The following BCKDHB variants were observed in gnomAD, a reference collection of about 807,000 sequenced individuals.
The protein encoded by BCKDHB is 2-oxoisovalerate dehydrogenase subunit beta, mitochondrial.
BCKDHB carries 41 observed loss-of-function variants against 48.5 expected under a neutral mutation model. That is an observed-to-expected ratio of 0.85 (90% confidence interval 0.66 to 1.10). BCKDHB has a LOEUF of 1.10. BCKDHB is among the 50% of genes least tolerant of loss of function. BCKDHB has a pLI of 0.00. For synonymous variants in BCKDHB, 201 were observed against 174.8 expected, an observed-to-expected ratio of 1.15 and a Z score of -1.18; for missense variants, 496 against 494.2, an observed-to-expected ratio of 1.00 and a Z score of -0.03.
chr6:80,310,381 C>T (rs1768094331), intron 9 of BCKDHB, among the ~76,000 whole-genome samples: 1 of 152,132 alleles, frequency 6.6e-6, no homozygotes, highest in Non-Finnish European at 1.5e-5. Context: ...CATTAGTTTG[C>T]TAAGGATAAT....
chr6:80,388,664 T>G, the BCKDHB span, among the ~76,000 whole-genome samples: 1 of 152,200 alleles, frequency 6.6e-6, no homozygotes, highest in Non-Finnish European at 1.5e-5. Flanking sequence ...CCATGATCTC[T>G]TCTCCTGCCA....
the BCKDHB span, among the ~76,000 whole-genome samples, chr6:80,359,208 C>G: frequency 6.6e-6 from 1 of 152,218 alleles, no homozygotes; most frequent in African/African-American, 2.4e-5. Flanking sequence ...CCCTCTCAGC[C>G]TCTCCGGAGG....
the BCKDHB span, among the ~76,000 whole-genome samples, chr6:80,409,504 G>T: frequency 1.4e-5 from 2 of 144,120 alleles, no homozygotes; most frequent in African/African-American, 5.1e-5. Flanking sequence ...TCATTATTTT[G>T]TGGGAGTCTG....
At chr6:80,413,805 A>G in the BCKDHB span, among the ~76,000 whole-genome samples, 1 of 152,152 alleles carries the variant, frequency 6.6e-6, no homozygotes, top group Non-Finnish European at 1.5e-5. Flanking sequence ...ATTCCTTGAG[A>G]GTATATACCC....
In BCKDHB at chr6:80,212,257, G is replaced by A. The variant is rs140412379; in HGVS notation, c.951+9045G>A. Among the ~76,000 whole-genome samples the A allele has an allele frequency of 3.6e-3, 551 of 152,214 alleles. 5 individuals are homozygous for A. The highest frequency in any genetic ancestry group is 0.012 in the African/African-American group (500 of 41,528). On this transcript the variant is annotated intron_variant, in intron 8 of 9. Coordinates refer to ENST00000320393, the MANE Select transcript of BCKDHB (RefSeq NM_183050.4). Reference sequence around the variant, plus strand: ...TGAGGGTACTGCAGGAGACCAGGGCGTATCTCAGTCCTTATCTCAACTGCA... The same window carrying A: ...TGAGGGTACTGCAGGAGACCAGGGCATATCTCAGTCCTTATCTCAACTGCA...
chr6:80,430,371 G>C, the BCKDHB span, among the ~76,000 whole-genome samples: 2 of 152,138 alleles, frequency 1.3e-5, no homozygotes, highest in Middle Eastern at 3.2e-3. Flanking sequence ...GATGATGCTG[G>C]CTTCAGAAAA....
At chr6:80,279,108 C>T (rs917726668) in intron 9 of BCKDHB, among the ~76,000 whole-genome samples, 1 of 151,924 alleles carries the variant, frequency 6.6e-6, no homozygotes, top group African/African-American at 2.4e-5. Context: ...TTTTCTGGAC[C>T]TTTTAAACTG....
chr6:80,133,922 C>T (rs569207690), intron 3 of BCKDHB, among the ~76,000 whole-genome samples: 6 of 152,124 alleles, frequency 3.9e-5, no homozygotes, highest in East Asian at 1.9e-4. Context: ...GGATTACAGG[C>T]GTGAGCCACT....
At chr6:80,413,617 A>C in the BCKDHB span, among the ~76,000 whole-genome samples, 1 of 152,216 alleles carries the variant, frequency 6.6e-6, no homozygotes, top group South Asian at 2.1e-4. Flanking sequence ...ATGTTTCTGC[A>C]AAGAACATGA....
At chr6:80,297,077 T>A (rs764445663) in intron 9 of BCKDHB, among the ~76,000 whole-genome samples, 24 of 152,150 alleles carry the variant, frequency 1.6e-4, no homozygotes, top group Non-Finnish European at 3.1e-4. Flanking sequence ...TCTAGGACAA[T>A]GGACAGAAGT....
At chr6:80,381,885 T>C in the BCKDHB span, among the ~76,000 whole-genome samples, 2 of 152,038 alleles carry the variant, frequency 1.3e-5, no homozygotes, top group African/African-American at 2.4e-5. Context: ...CTCTGAGGCA[T>C]GAAGAAATTC....
At chr6:80,155,630 A>G (rs1772002868) in intron 3 of BCKDHB, among the ~76,000 whole-genome samples, 1 of 152,106 alleles carries the variant, frequency 6.6e-6, no homozygotes, top group Admixed American at 6.5e-5. Context: ...AGATCATTGA[A>G]TTATCACATT....
the BCKDHB span, among the ~76,000 whole-genome samples, chr6:80,431,515 G>A: frequency 6.6e-6 from 1 of 152,154 alleles, no homozygotes; most frequent in Admixed American, 6.5e-5. Context: ...TGTATTGGGT[G>A]CATGTAAATT....
At position 80,252,681 on chromosome 6, in the gene BCKDHB, T is replaced by C. The variant is rs74761882; in HGVS notation, c.952-20454T>C. Among the ~76,000 whole-genome samples, 21 of 152,282 alleles carry C rather than the reference T, an allele frequency of 1.4e-4. No homozygotes were observed. The East Asian group carries it at 3.7e-3, about 27-fold the overall frequency. ...TGAAAGGATAATGTTTAAAATAATA[T>C]TTAAAATAATCTAAACCTAATTTCT... On this transcript the variant is annotated intron_variant, in intron 8 of 9. Transcript: ENST00000320393.
intron 1 of BCKDHB, among the ~76,000 whole-genome samples, chr6:80,107,384 C>T (rs1769139260): frequency 6.9e-6 from 1 of 144,074 alleles, no homozygotes; most frequent in Non-Finnish European, 1.5e-5. Flanking sequence ...TTCAGTTACT[C>T]AGTCCCTTGG....
chr6:80,415,001 CTGTGTGTG>C, the BCKDHB span, among the ~76,000 whole-genome samples: 11 of 149,814 alleles, frequency 7.3e-5, no homozygotes, highest in African/African-American at 2.4e-4. Context: ...TTAGGTATTT[CTGTGTGTG>C]TGTGTGTGTG....
chr6:80,278,253 G>T (rs1461490789), intron 9 of BCKDHB, among the ~76,000 whole-genome samples: 1 of 152,146 alleles, frequency 6.6e-6, no homozygotes, highest in East Asian at 1.9e-4. Flanking sequence ...GTATACTTCT[G>T]TACTAAAAGA....
the BCKDHB span, among the ~76,000 whole-genome samples, chr6:80,415,404 T>C: frequency 1.3e-5 from 2 of 152,178 alleles, no homozygotes; most frequent in Non-Finnish European, 2.9e-5. Flanking sequence ...ATGTTGGCTG[T>C]GGTTTTGTCA....
chr6:80,215,687 G>A (rs1775137216), intron 8 of BCKDHB, among the ~76,000 whole-genome samples: 1 of 152,116 alleles, frequency 6.6e-6, no homozygotes, highest in African/African-American at 2.4e-5. Context: ...TACATTTTAG[G>A]TACATTTTAA....
Sources: allele counts gnomAD v4.1 joint callset (sites outside exome capture counted in the v4.1 genomes callset), GRCh38; gene constraint gnomAD v4.1.1; transcripts MANE v1.5; gene names NCBI Gene and HGNC (gene_info 2026-07-23, HGNC 2026-07-21).